ATF7IP: variants seen among roughly 807,000 people sequenced by gnomAD.
The protein encoded by ATF7IP is activating transcription factor 7 interacting protein.
A neutral mutation model predicts 106.4 loss-of-function variants in ATF7IP; 23 were observed. The observed-to-expected ratio is 0.22, with a 90% CI of 0.16 to 0.31. The LOEUF is 0.31. ATF7IP is among the 10% of genes least tolerant of loss of function. ATF7IP has a pLI of 1.00. For synonymous variants in ATF7IP, 542 were observed against 539.0 expected, an observed-to-expected ratio of 1.01 and a Z score of -0.08; for missense variants, 1,334 against 1,524.3, an observed-to-expected ratio of 0.88 and a Z score of 2.08.
At chr12:14,483,156 C>T (rs1944482680) in intron 13 of ATF7IP, among the ~76,000 whole-genome samples, 1 of 152,164 alleles carries the variant, frequency 6.6e-6, no homozygotes, top group Admixed American at 6.5e-5. Flanking sequence ...GTTCTCTTTG[C>T]CTTCAGCAAG....
intron 2 of ATF7IP, among the ~76,000 whole-genome samples, chr12:14,431,143 A>AGGTT (rs1318834196): frequency 6.6e-6 from 1 of 152,218 alleles, no homozygotes; most frequent in African/African-American, 2.4e-5. Flanking sequence ...AACCTTATTA[A>AGGTT]AGATAGTAGT....
intron 1 of ATF7IP, among the ~76,000 whole-genome samples, chr12:14,412,847 C>T (rs1197358201): frequency 6.6e-6 from 1 of 152,074 alleles, no homozygotes; most frequent in African/African-American, 2.4e-5. Context: ...AACCCCGTCT[C>T]TACTAAAAAT....
chr12:14,442,177 T>A (rs1402705168), intron 5 of ATF7IP, among the ~76,000 whole-genome samples: 1 of 152,196 alleles, frequency 6.6e-6, no homozygotes, highest in Non-Finnish European at 1.5e-5. Flanking sequence ...CTATATATAT[T>A]TTTAGTTTTT....
chr12:14,468,810 T>C lies in ATF7IP; in HGVS notation c.2862+2220T>C, dbSNP rs573288393. Among the ~76,000 whole-genome samples, 48 of 152,360 alleles carry C rather than the reference T, an allele frequency of 3.2e-4. No individual in the cohort carries two copies. In the East Asian group the frequency reaches 6.0e-3, roughly 19 times the overall value. ...ATATGTGCTTTCAGTTATGAAGTTA[T>C]GCTTGTCAGCCAGAATTTTTTGAAA... On this transcript the variant is annotated intron_variant, in intron 10 of 14. Coordinates refer to ENST00000261168, the MANE Select transcript of ATF7IP (RefSeq NM_018179.5).
intron 9 of ATF7IP, 135 bp downstream of exon 9, chr12:14,461,268 A>G: frequency 2.5e-6 from 2 of 805,714 alleles, no homozygotes; most frequent in Non-Finnish European, 3.7e-6. Flanking sequence ...TATTTTTAGT[A>G]ATTTTTTAGA....
At chr12:14,378,136 C>T (rs1315702764) in intron 1 of ATF7IP, among the ~76,000 whole-genome samples, 11 of 135,774 alleles carry the variant, frequency 8.1e-5, no homozygotes, top group East Asian at 4.2e-4. Context: ...CTTGCTCTGT[C>T]GCCCAGGCTG....
At chr12:14,445,647 A>G (rs886097822) in intron 5 of ATF7IP, among the ~76,000 whole-genome samples, 70 of 152,218 alleles carry the variant, frequency 4.6e-4, no homozygotes, top group African/African-American at 1.6e-3. Context: ...TGAGAGTCAT[A>G]GGTAACTGAT....
At chr12:14,477,425 G>A (rs1354986334) in intron 11 of ATF7IP, among the ~76,000 whole-genome samples, 1 of 152,030 alleles carries the variant, frequency 6.6e-6, no homozygotes, top group East Asian at 1.9e-4. Context: ...ATTTTTAATA[G>A]ACAGCCATGA....
In ATF7IP at chr12:14,481,029, C is replaced by T. The variant is rs865841183; in HGVS notation, c.3124C>T (p.Arg1042Cys). 6.8e-6 allele frequency: 11 copies of T among 1,613,792 alleles called. No individual in the cohort carries two copies. Among genetic ancestry groups the T allele is most frequent in the African/African-American group, 4.0e-5 (3 of 74,892 alleles). Residue 1042 changes from arginine (R) to cysteine (C), a missense_variant, in exon 13 of 15, where the codon CGT becomes TGT. Around this residue, in one of 10 missense-constraint regions of ATF7IP, gnomAD observed 370 missense variants for 401.2 expected, o/e 0.92. Transcript: ENST00000261168. ...TAPTTVNVTH[R>C]PVTQVTTRLP... ...TCCAACTACCGTGAATGTAACACAT[C>T]GTCCAGTAACTCAGGTGACCACAAG...
chr12:14,482,189 G>C (rs149619305), intron 13 of ATF7IP: 4 of 152,102 alleles, frequency 2.6e-5, no homozygotes, highest in Admixed American at 2.6e-4. Context: ...GGTAACCACT[G>C]TTCCTACTTT....
chr12:14,436,302 ATCT>A, intron 4 of ATF7IP, 51 bp downstream of exon 4: 5 of 1,485,698 alleles, frequency 3.4e-6, no homozygotes, highest in South Asian at 1.2e-5. Flanking sequence ...TAGCACCACT[ATCT>A]TCTTCTAGGT....
At chr12:14,425,517 A>G in intron 2 of ATF7IP, 44 bp downstream of exon 2, 1 of 1,480,054 alleles carries the variant, frequency 6.8e-7, no homozygotes. Flanking sequence ...ATTGACTTTG[A>G]TGAACTGTTT....
chr12:14,491,159 C>T (rs775013196), intron 13 of ATF7IP, among the ~76,000 whole-genome samples: 2 of 152,100 alleles, frequency 1.3e-5, no homozygotes, highest in Admixed American at 6.5e-5. Flanking sequence ...AACAGCTTGC[C>T]CAGTAGCACG....
chr12:14,392,360 A>G (rs1423602826), intron 1 of ATF7IP, among the ~76,000 whole-genome samples: 2 of 152,318 alleles, frequency 1.3e-5, no homozygotes, highest in Admixed American at 1.3e-4. Context: ...GATTTACAGT[A>G]AAAATGTCAC....
intron 1 of ATF7IP, among the ~76,000 whole-genome samples, chr12:14,401,955 G>C (rs763609564): frequency 1.3e-5 from 2 of 151,144 alleles, no homozygotes; most frequent in Admixed American, 6.6e-5. Context: ...CTCGTGATGC[G>C]CTTGCCTCGG....
intron 1 of ATF7IP, among the ~76,000 whole-genome samples, chr12:14,367,777 C>T (rs767580555): frequency 1.3e-5 from 2 of 152,044 alleles, no homozygotes; most frequent in African/African-American, 4.8e-5. Flanking sequence ...ATGTTTCTTA[C>T]AAGGCAGATA....
intron 1 of ATF7IP, chr12:14,367,309 G>T (rs995824035): frequency 6.6e-6 from 1 of 152,016 alleles, no homozygotes; most frequent in Non-Finnish European, 1.5e-5. Flanking sequence ...AATACTTTTG[G>T]TTGGTGGATT....
chr12:14,411,351 T>C (rs955976406), intron 1 of ATF7IP, among the ~76,000 whole-genome samples: 8 of 152,200 alleles, frequency 5.3e-5, no homozygotes, highest in African/African-American at 1.4e-4. Context: ...GGTTTTGACT[T>C]GCATTTTGCT....
chr12:14,478,259 G>C, intron 11 of ATF7IP, 58 bp from the exon 12 acceptor site: 1 of 1,548,412 alleles, frequency 6.5e-7, no homozygotes, highest in South Asian at 1.1e-5. Context: ...ATAGAGGAAA[G>C]ACTTGTATTT....
Sources: gnomAD v4.1 joint callset for allele counts (sites outside exome capture counted in the v4.1 genomes callset) on GRCh38, gnomAD v4.1.1 for gene constraint, gnomAD v4.1.1 regional missense constraint, MANE v1.5 for transcripts, NCBI Gene and HGNC (gene_info 2026-07-23, HGNC 2026-07-21) for gene names.